The following TPST1 variants were observed in gnomAD, a reference collection of about 807,000 sequenced individuals.
The protein encoded by TPST1 is protein-tyrosine sulfotransferase 1.
TPST1 carries 20 observed loss-of-function variants against 34.8 expected under a neutral mutation model. The observed-to-expected ratio is 0.57, with a 90% CI of 0.40 to 0.84. TPST1 has a LOEUF of 0.84. TPST1 is among the 40% of genes least tolerant of loss of function. TPST1 has a pLI of 0.00. For missense variants in TPST1, 353 were observed against 455.5 expected, an observed-to-expected ratio of 0.78 and a Z score of 2.05; for synonymous variants, 152 against 159.4, an observed-to-expected ratio of 0.95 and a Z score of 0.35.
chr7:66,217,573 ACAT>A (rs1294495815), intron 1 of TPST1, among the ~76,000 whole-genome samples: 1 of 152,234 alleles, frequency 6.6e-6, no homozygotes, highest in South Asian at 2.1e-4. Flanking sequence ...TGAATCTAAC[ACAT>A]CATTTATTTA....
intron 3 of TPST1, among the ~76,000 whole-genome samples, chr7:66,328,886 C>CTCTCTCTCTA (rs757168858): frequency 1.5e-3 from 34 of 22,094 alleles, no homozygotes; most frequent in Non-Finnish European, 1.8e-3. Flanking sequence ...CTCTCTCTCT[C>CTCTCTCTCTA]TATATATATA....
intron 3 of TPST1, among the ~76,000 whole-genome samples, chr7:66,352,192 T>A (rs1319161002): frequency 6.6e-6 from 1 of 152,212 alleles, no homozygotes; most frequent in Non-Finnish European, 1.5e-5. Flanking sequence ...GCCTAGGGCT[T>A]GCTTCCTCTC....
upstream of TPST1, among the ~76,000 whole-genome samples, chr7:66,201,867 A>AAG (rs1368739380): frequency 6.6e-6 from 1 of 150,902 alleles, no homozygotes; most frequent in African/African-American, 2.4e-5. Flanking sequence ...AATAAGAAAA[A>AAG]AAAAAAAAAA....
chr7:66,312,557 T>C (rs924018276), intron 3 of TPST1, among the ~76,000 whole-genome samples: 1 of 152,186 alleles, frequency 6.6e-6, no homozygotes, highest in Non-Finnish European at 1.5e-5. Flanking sequence ...CCAATTCCCT[T>C]TTTAAAAATC....
intron 2 of TPST1, among the ~76,000 whole-genome samples, chr7:66,280,400 T>C (rs573276137): frequency 6.6e-6 from 1 of 152,356 alleles, no homozygotes; most frequent in Non-Finnish European, 1.5e-5. Flanking sequence ...AATGGGATTG[T>C]GTTTTTGATT....
intron 4 of TPST1, among the ~76,000 whole-genome samples, chr7:66,354,113 CG>C (rs1792535086): frequency 1.3e-5 from 2 of 152,184 alleles, no homozygotes; most frequent in African/African-American, 4.8e-5. Flanking sequence ...TCAGGAGTCA[CG>C]GGGGAAAGAA....
intron 3 of TPST1, among the ~76,000 whole-genome samples, chr7:66,323,435 G>T (rs114952019): frequency 6.6e-6 from 1 of 152,064 alleles, no homozygotes; most frequent in Non-Finnish European, 1.5e-5. Context: ...GTGATGTTGA[G>T]TTTTGCCCAG....
intron 2 of TPST1, among the ~76,000 whole-genome samples, chr7:66,258,380 G>T (rs1313629521): frequency 3.9e-5 from 6 of 152,194 alleles, no homozygotes; most frequent in African/African-American, 1.4e-4. Context: ...TCCAGTATCA[G>T]TTCAAAGACT....
At chr7:66,355,933 C>T (rs925632261) in intron 4 of TPST1, among the ~76,000 whole-genome samples, 10 of 144,152 alleles carry the variant, frequency 6.9e-5, no homozygotes, top group African/African-American at 2.6e-4. Context: ...AAAGGCTGAG[C>T]GTGGTGGCAT....
chr7:66,213,759 A>G (rs975529155), intron 1 of TPST1, among the ~76,000 whole-genome samples: 34 of 151,860 alleles, frequency 2.2e-4, no homozygotes, highest in Admixed American at 1.4e-3. Context: ...AAAAAAAAAA[A>G]GAATAATGGC....
chr7:66,324,200 T>C (rs1791815054), intron 3 of TPST1, among the ~76,000 whole-genome samples: 1 of 152,094 alleles, frequency 6.6e-6, no homozygotes, highest in Non-Finnish European at 1.5e-5. Flanking sequence ...ATAGAATAGG[T>C]CAATTCATAG....
At chr7:66,303,466 G>A (rs1037852681) in intron 3 of TPST1, among the ~76,000 whole-genome samples, 1 of 150,700 alleles carries the variant, frequency 6.6e-6, no homozygotes, top group Non-Finnish European at 1.5e-5. Context: ...CTGGAGTTCA[G>A]TGGTGCGATC....
At chr7:66,275,676 T>G (rs1370426025) in intron 2 of TPST1, among the ~76,000 whole-genome samples, 1 of 152,122 alleles carries the variant, frequency 6.6e-6, no homozygotes, top group Non-Finnish European at 1.5e-5. Context: ...AAAAGTCAAA[T>G]TCATAGAAGC....
At chr7:66,355,708 TG>T (rs2116403835) in intron 4 of TPST1, among the ~76,000 whole-genome samples, 1 of 151,860 alleles carries the variant, frequency 6.6e-6, no homozygotes, top group South Asian at 2.1e-4. Context: ...AAGACCAGCC[TG>T]GCAAACATGG....
intron 2 of TPST1, among the ~76,000 whole-genome samples, chr7:66,247,864 G>C (rs189026423): frequency 1.3e-5 from 2 of 152,124 alleles, no homozygotes; most frequent in Non-Finnish European, 2.9e-5. Context: ...GCCTCAAAAG[G>C]ACCTAAGGAA....
intron 3 of TPST1, among the ~76,000 whole-genome samples, chr7:66,334,464 C>T (rs904435519): frequency 1.3e-5 from 2 of 151,712 alleles, no homozygotes; most frequent in Middle Eastern, 3.4e-3. Context: ...GGTGAAACGC[C>T]GTCTCTACTA....
intron 1 of TPST1, among the ~76,000 whole-genome samples, chr7:66,227,535 A>G (rs952659262): frequency 6.6e-6 from 1 of 151,770 alleles, no homozygotes; most frequent in Non-Finnish European, 1.5e-5. Context: ...CAATCCTCCC[A>G]CCTCAGCTTC....
intron 2 of TPST1, among the ~76,000 whole-genome samples, chr7:66,246,348 T>C (rs1790150120): frequency 6.6e-6 from 1 of 151,844 alleles, no homozygotes; most frequent in Non-Finnish European, 1.5e-5. Context: ...ACAAGCTATA[T>C]TGAAGAGAGA....
intron 3 of TPST1, among the ~76,000 whole-genome samples, chr7:66,336,530 C>T (rs914122369): frequency 2.0e-5 from 3 of 152,064 alleles, no homozygotes; most frequent in African/African-American, 7.2e-5. Flanking sequence ...TGGTGAGCTT[C>T]AGGACAGAAC....
Sources: gnomAD v4.1 joint callset for allele counts (sites outside exome capture counted in the v4.1 genomes callset) on GRCh38, gnomAD v4.1.1 for gene constraint, MANE v1.5 for transcripts, NCBI Gene and HGNC (gene_info 2026-07-23, HGNC 2026-07-21) for gene names.